CDC20B: variants seen among roughly 807,000 people sequenced by gnomAD.
CDC20B encodes cell division cycle 20B.
In CDC20B, 58 loss-of-function variants were observed where a neutral mutation model predicts 64.1. That is an observed-to-expected ratio of 0.90 (90% CI 0.73 to 1.13). The LOEUF (loss-of-function observed/expected upper bound fraction) is 1.13, where lower values mean the gene tolerates loss of function less well. CDC20B is among the 50% of genes most tolerant of loss of function. CDC20B has a pLI of 0.00. For missense variants in CDC20B, 597 were observed against 633.0 expected (o/e 0.94, Z 0.61); for synonymous variants, 243 against 230.6 (o/e 1.05, Z -0.49).
At chr5:55,120,020 C>G (rs1411546183) in intron 10 of CDC20B, 102 bp from the exon 11 acceptor site, 1 of 819,346 alleles carries the variant, frequency 1.2e-6, no homozygotes, top group Non-Finnish European at 2.0e-6. Context: ...GACCCAACCT[C>G]CAGTACAGCT....
intron 10 of CDC20B, among the ~76,000 whole-genome samples, 186 bp from the exon 11 acceptor site, chr5:55,120,104 A>G (rs1311139154): frequency 1.3e-5 from 2 of 152,224 alleles, no homozygotes; most frequent in Non-Finnish European, 2.9e-5. Flanking sequence ...CAAGTATACA[A>G]ATAGGCTTAG....
rs113724429 is a variant in CDC20B at position 55,125,022 on chromosome 5, T to C, written c.996A>G (p.Ser332=). 1.4e-5 allele frequency: 23 copies of C among 1,610,212 alleles called. No homozygotes were observed. The African/African-American group carries it at 1.5e-4, about 10-fold the overall frequency. The change falls in exon 9 of 12, where the codon TCA becomes TCG. Residue 332 remains serine, a synonymous_variant. Transcript: ENST00000381375. ...CGTGATGATAAACACGCCCCAGTCT[T>C]GACCCACTGCGAGTTTACATAACAA... is the stretch of plus-strand genomic sequence containing the variant. The part of the protein sequence containing the change: ...SWNHFILSSG[S]RLGRVYHHDV...
chr5:55,160,531 C>T, intron 2 of CDC20B: 1 of 632,522 alleles, frequency 1.6e-6, no homozygotes, highest in Non-Finnish European at 2.7e-6. Context: ...ATTAGTACAT[C>T]ACTTTAGTTA....
chr5:55,140,359 T>A lies in CDC20B; in HGVS notation c.535A>T (p.Asn179Tyr). The A allele has an allele frequency of 6.2e-7, 1 of 1,613,652 alleles. No homozygotes were observed. The highest frequency in any genetic ancestry group is 8.5e-7 in the Non-Finnish European group (1 of 1,179,766). Residue 179 changes from asparagine (N) to tyrosine (Y), a missense_variant, in exon 5 of 12, where the codon AAT becomes TAT. This residue lies in a region of CDC20B where 241 missense variants were observed against 219.2 expected (regional missense o/e 1.10). Coordinates refer to ENST00000381375, the MANE Select transcript of CDC20B (RefSeq NM_001170402.1). ...FVTQNVVQQA[N>Y]GKMQLCEQSE... ...TGCTCACAGAGCTGCATTTTTCCAT[T>A]AGCCTGCTGAACCACGTTCTGGGTT...
intron 2 of CDC20B, among the ~76,000 whole-genome samples, chr5:55,158,607 A>G (rs1396201283): frequency 6.6e-6 from 1 of 152,174 alleles, no homozygotes; most frequent in African/African-American, 2.4e-5. Context: ...GAAGCTCCAC[A>G]AGCTAACAGT....
chr5:55,145,250 G>T (rs1054224403), intron 3 of CDC20B, among the ~76,000 whole-genome samples: 1 of 152,000 alleles, frequency 6.6e-6, no homozygotes, highest in Non-Finnish European at 1.5e-5. Context: ...TCCCTCCTCG[G>T]TTATTAAATA....
chr5:55,160,900 T>G (rs1744009992), intron 2 of CDC20B: 4 of 1,278,014 alleles, frequency 3.1e-6, no homozygotes, highest in Non-Finnish European at 4.3e-6. Flanking sequence ...GAGGTTATAG[T>G]CCCCCCCAAA....
intron 2 of CDC20B, chr5:55,161,398 C>G (rs1196764631): frequency 1.3e-6 from 1 of 783,394 alleles, no homozygotes; most frequent in Non-Finnish European, 2.0e-6. Flanking sequence ...GAATCTCATC[C>G]TTTGTAACTT....
intron 2 of CDC20B, among the ~76,000 whole-genome samples, chr5:55,170,953 A>G (rs1209291562): frequency 6.6e-6 from 1 of 152,250 alleles, no homozygotes; most frequent in Non-Finnish European, 1.5e-5. Context: ...GAATACTTAC[A>G]TTTAGGTTTT....
At chr5:55,153,790 C>A (rs900955331) in intron 2 of CDC20B, among the ~76,000 whole-genome samples, 2 of 152,178 alleles carry the variant, frequency 1.3e-5, no homozygotes, top group Non-Finnish European at 2.9e-5. Flanking sequence ...AAATTTAATT[C>A]AATAAAGTTG....
chr5:55,125,587 T>A (rs1742865654), intron 8 of CDC20B, among the ~76,000 whole-genome samples: 1 of 152,234 alleles, frequency 6.6e-6, no homozygotes, highest in Admixed American at 6.5e-5. Context: ...AACTGCAATA[T>A]GATTCCTAAG....
intron 4 of CDC20B, among the ~76,000 whole-genome samples, chr5:55,143,252 G>C (rs146819666): frequency 4.9e-4 from 75 of 152,206 alleles, no homozygotes; most frequent in African/African-American, 1.8e-3. Flanking sequence ...ACCTTTACCT[G>C]TTTGTAAAGA....
At chr5:55,156,780 C>A (rs547071230) in intron 2 of CDC20B, among the ~76,000 whole-genome samples, 5 of 151,948 alleles carry the variant, frequency 3.3e-5, no homozygotes, top group Non-Finnish European at 7.4e-5. Flanking sequence ...AGGCTGAGGC[C>A]GGAGAATCAC....
Position 55,146,649 on chromosome 5 carries a change from C to T in CDC20B, c.334G>A (p.Glu112Lys). The change falls in exon 3 of 12, where the codon GAG becomes AAG. Residue 112 changes from glutamate (E) to lysine (K), a missense_variant. Coordinates refer to ENST00000381375, the MANE Select transcript of CDC20B (RefSeq NM_001170402.1). ...ASGSVLKTPP[E>K]KETLTLGSRK... ...TCACCTAGAGTCAAGGTCTCTTTCT[C>T]AGGCGGTGTCTTCAGCACTGATCCG... is the stretch of plus-strand genomic sequence containing the variant. The T allele has an allele frequency of 6.2e-7, 1 of 1,614,044 alleles. No homozygotes were observed. The highest frequency in any genetic ancestry group is 1.1e-5 in the South Asian group (1 of 91,072).
At chr5:55,135,268 G>A (rs999325170) in intron 5 of CDC20B, among the ~76,000 whole-genome samples, 13 of 152,030 alleles carry the variant, frequency 8.6e-5, no homozygotes, top group African/African-American at 2.7e-4. Context: ...GAAAGAGAGA[G>A]GGAGAGAGAG....
At chr5:55,158,742 G>T (rs1743889427) in intron 2 of CDC20B, among the ~76,000 whole-genome samples, 1 of 152,164 alleles carries the variant, frequency 6.6e-6, no homozygotes, top group South Asian at 2.1e-4. Context: ...GAGCAGAATT[G>T]AAAGTGAATG....
chr5:55,160,006 C>A, intron 2 of CDC20B: 1 of 561,070 alleles, frequency 1.8e-6, no homozygotes, highest in Non-Finnish European at 3.1e-6. Context: ...CTTTGAAATT[C>A]TGTAGAGCTC....
chr5:55,150,249 A>G (rs1292957286), intron 2 of CDC20B, among the ~76,000 whole-genome samples: 1 of 152,272 alleles, frequency 6.6e-6, no homozygotes, highest in Non-Finnish European at 1.5e-5. Context: ...AAAACATGCA[A>G]ATGCTTACAA....
rs749872111 is a variant in CDC20B at position 55,124,809 on chromosome 5, T to TTTCA, written c.1208_1209insTGAA (p.Val404GlufsTer54). On this transcript the variant is annotated frameshift_variant, in exon 9 of 12. Coordinates refer to ENST00000381375, the MANE Select transcript of CDC20B (RefSeq NM_001170402.1). LOFTEE classifies it high-confidence loss of function. ...AATCTATTGGGTTTCTTACCTTGAC[T>TTTCA]GCCGTAGACTGGGTTATGACTTTCA... is the stretch of plus-strand genomic sequence containing the variant. 9.3e-6 allele frequency: 15 copies of TTTCA among 1,612,724 alleles called. No homozygotes were observed. The highest frequency in any genetic ancestry group is 1.2e-5 in the Non-Finnish European group (14 of 1,178,842).
Sources: gnomAD v4.1 joint callset for allele counts (sites outside exome capture counted in the v4.1 genomes callset) on GRCh38, gnomAD v4.1.1 for gene constraint, gnomAD v4.1.1 regional missense constraint, MANE v1.5 for transcripts, NCBI Gene and HGNC (gene_info 2026-07-23, HGNC 2026-07-21) for gene names.